The following PTH2R variants were observed in gnomAD, a reference collection of about 807,000 sequenced individuals.
The protein encoded by PTH2R is PTH2 receptor.
Under a neutral mutation model 60.3 loss-of-function variants are expected in PTH2R, and 59 were observed. That is an observed-to-expected ratio of 0.98 (90% confidence interval 0.79 to 1.22). The LOEUF is 1.22. Among genes scored for constraint, PTH2R ranks in the 50% most tolerant of loss-of-function variants. PTH2R has a pLI of 0.00. For missense variants in PTH2R, 749 were observed against 682.6 expected (o/e 1.10, Z -1.08); for synonymous variants, 256 against 243.8 (o/e 1.05, Z -0.47).
intron 9 of PTH2R, among the ~76,000 whole-genome samples, chr2:208,477,966 ACTAGTACTACTAGCACTACTACTAG>A (rs1703054490): frequency 7.0e-5 from 2 of 28,640 alleles, no homozygotes; most frequent in African/African-American, 1.2e-4. Flanking sequence ...TACTACTAGT[ACTAGTACTACTAGCACTACTACTAG>A]TACTAGTACT....
Position 208,490,696 on chromosome 2 carries a change from C to T in PTH2R, c.1257+16C>T, listed in dbSNP as rs1467841258. The T allele has an allele frequency of 1.9e-6, 3 of 1,602,216 alleles. No individual in the cohort carries two copies. The highest frequency in any genetic ancestry group is 2.3e-5 in the East Asian group (1 of 44,164). On this transcript the variant is annotated intron_variant, in intron 12 of 12. Coordinates refer to ENST00000272847, the MANE Select transcript of PTH2R (RefSeq NM_005048.4). The stretch of plus-strand genomic sequence containing the variant: ...CAATGGAGAGGTAGGTTTGTAGGAA[C>T]CTTGGACAGGTCTCGCTTCAGCTTG...
At chr2:208,471,680 G>A (rs1030526523) in intron 9 of PTH2R, among the ~76,000 whole-genome samples, 4 of 152,260 alleles carry the variant, frequency 2.6e-5, no homozygotes, top group African/African-American at 9.6e-5. Context: ...GAAGGGAAAT[G>A]GGGGTTGGAG....
intron 1 of PTH2R, among the ~76,000 whole-genome samples, chr2:208,393,196 G>T (rs1701140993): frequency 6.6e-6 from 1 of 152,138 alleles, no homozygotes; most frequent in African/African-American, 2.4e-5. Context: ...GTTTTCTAGG[G>T]TGCTCTCTGG....
At chr2:208,463,648 C>G (rs1702676870) in intron 9 of PTH2R, among the ~76,000 whole-genome samples, 2 of 152,210 alleles carry the variant, frequency 1.3e-5, no homozygotes, top group African/African-American at 2.4e-5. Flanking sequence ...ATCATTTTTA[C>G]TTTTCACGTG....
chr2:208,371,120 T>C (rs1366024828), intron 1 of PTH2R, among the ~76,000 whole-genome samples: 1 of 152,040 alleles, frequency 6.6e-6, no homozygotes, highest in Non-Finnish European at 1.5e-5. Context: ...CACTTCCCAG[T>C]AGGCCCCACC....
At chr2:208,483,472 A>C (rs1030648888) in intron 10 of PTH2R, among the ~76,000 whole-genome samples, 1 of 152,226 alleles carries the variant, frequency 6.6e-6, no homozygotes, top group Non-Finnish European at 1.5e-5. Context: ...TAATACTTTT[A>C]GTAAAGTGTT....
intron 2 of PTH2R, among the ~76,000 whole-genome samples, chr2:208,429,071 C>A (rs986403919): frequency 2.4e-5 from 3 of 125,418 alleles, no homozygotes; most frequent in African/African-American, 9.4e-5. Context: ...GGTGACAGAG[C>A]GACTCTCTGT....
intron 1 of PTH2R, among the ~76,000 whole-genome samples, chr2:208,409,676 G>A (rs1481795360): frequency 6.6e-6 from 1 of 152,006 alleles, no homozygotes; most frequent in Non-Finnish European, 1.5e-5. Context: ...ATAGACCAGT[G>A]CTCATCAATT....
At chr2:208,460,276 A>G (rs1338244776) in intron 9 of PTH2R, among the ~76,000 whole-genome samples, 1 of 152,082 alleles carries the variant, frequency 6.6e-6, no homozygotes, top group African/African-American at 2.4e-5. Flanking sequence ...TTATTTTACC[A>G]CTTTAACATT....
At chr2:208,360,306 C>A in intron 1 of PTH2R, 1 of 342,502 alleles carries the variant, frequency 2.9e-6, no homozygotes, top group Non-Finnish European at 5.9e-6. Flanking sequence ...TCCTACTGGT[C>A]CCTAGGAACT....
intron 7 of PTH2R, among the ~76,000 whole-genome samples, chr2:208,448,429 T>A (rs2105876854): frequency 6.6e-6 from 1 of 151,972 alleles, no homozygotes; most frequent in South Asian, 2.1e-4. Flanking sequence ...GGTGGGCGGA[T>A]CATGAGGTCA....
chr2:208,419,661 A>C (rs1454545818), intron 1 of PTH2R, among the ~76,000 whole-genome samples: 1 of 152,176 alleles, frequency 6.6e-6, no homozygotes, highest in Non-Finnish European at 1.5e-5. Context: ...TTTTAGGTCT[A>C]ACATTTAAGT....
intron 1 of PTH2R, among the ~76,000 whole-genome samples, chr2:208,420,782 G>A (rs888386641): frequency 6.6e-6 from 1 of 152,134 alleles, no homozygotes. Context: ...TCTGTCTTAT[G>A]CAGATTCCAT....
intron 9 of PTH2R, among the ~76,000 whole-genome samples, chr2:208,463,913 T>C (rs1422493406): frequency 6.6e-6 from 1 of 152,230 alleles, no homozygotes; most frequent in Non-Finnish European, 1.5e-5. Context: ...GCACTTCTGA[T>C]TACAGAATGT....
Position 208,371,025 on chromosome 2 carries a change from C to T in PTH2R, c.-259+10788C>T, listed in dbSNP as rs56155387. 6.6e-3 allele frequency among the ~76,000 whole-genome samples: 997 copies of T among 152,072 alleles called. 18 individuals carry two copies. The highest frequency in any genetic ancestry group is 0.023 in the African/African-American group (943 of 41,388). ...CCAGGCTCTTTAAACAACCAGCTCTCATGTGAAATACCAGAGCCAGAACTC... is the reference window on the plus strand; with the variant it reads ...CCAGGCTCTTTAAACAACCAGCTCTTATGTGAAATACCAGAGCCAGAACTC... On this transcript the variant is annotated intron_variant, in intron 1 of 12. Transcript: ENST00000617735.
In PTH2R at chr2:208,450,781, G is replaced by T. The variant is rs751253517; in HGVS notation, c.886G>T (p.Val296Leu). 6.2e-7 allele frequency: 1 copy of T among 1,614,070 alleles called. No individual in the cohort carries two copies. Among genetic ancestry groups the T allele is most frequent in the Non-Finnish European group, 8.5e-7 (1 of 1,179,932 alleles). The change falls in exon 8 of 13, where the codon GTG becomes TTG. Residue 296 changes from valine (V) to leucine (L), a missense_variant. Transcript: ENST00000272847. ...AGCAGCATTTGTTGCAGCATGGGCT[G>T]TGGCACGAGCAACTCTGGCTGATGC... ...FPAAFVAAWAVARATLADARC... is the reference protein window; with the variant it reads ...FPAAFVAAWALARATLADARC...
At chr2:208,395,380 G>C (rs909379287) in intron 1 of PTH2R, among the ~76,000 whole-genome samples, 1 of 151,994 alleles carries the variant, frequency 6.6e-6, no homozygotes, top group Non-Finnish European at 1.5e-5. Flanking sequence ...AGGAAGCTGC[G>C]GTATTGCTGT....
intron 9 of PTH2R, among the ~76,000 whole-genome samples, chr2:208,475,880 G>T (rs1574907536): frequency 6.6e-6 from 1 of 152,094 alleles, no homozygotes; most frequent in Admixed American, 6.6e-5. Flanking sequence ...TCATGGGTTT[G>T]CTCATTGTAT....
rs13383587 is a variant in PTH2R, at chr2:208,421,895, C to T, written c.76-6306C>T. Among the ~76,000 whole-genome samples, 1,420 of 152,166 alleles carry T rather than the reference C, an allele frequency of 9.3e-3. 26 individuals are homozygous for T. Among genetic ancestry groups the T allele is most frequent in the African/African-American group, 0.033 (1,368 of 41,490 alleles). ...ACCAGCTCAGTTTTCTCTCAGACTA[C>T]GGAAAATAGAATGGCTAGCTGTATT... On this transcript the variant is annotated intron_variant, in intron 1 of 12. Transcript: ENST00000272847.
Sources: gnomAD v4.1 joint callset for allele counts (sites outside exome capture counted in the v4.1 genomes callset) on GRCh38, gnomAD v4.1.1 for gene constraint, MANE v1.5 for transcripts, NCBI Gene and HGNC (gene_info 2026-07-23, HGNC 2026-07-21) for gene names.